FRA10AC1: variants seen among roughly 807,000 people sequenced by gnomAD.
FRA10AC1 encodes the protein protein FRA10AC1.
A neutral mutation model predicts 56.5 loss-of-function variants in FRA10AC1; 43 were observed. The observed-to-expected ratio is 0.76, with a 90% confidence interval of 0.60 to 0.98. FRA10AC1 has a LOEUF of 0.98. FRA10AC1 is among the 50% of genes least tolerant of loss of function. FRA10AC1 has a pLI of 0.00. For missense variants in FRA10AC1, 346 were observed against 351.8 expected, an observed-to-expected ratio of 0.98 and a Z score of 0.13; for synonymous variants, 112 against 110.5, an observed-to-expected ratio of 1.01 and a Z score of -0.09.
chr10:93,680,916 G>A (rs1178879680), intron 11 of FRA10AC1, among the ~76,000 whole-genome samples: 2 of 152,168 alleles, frequency 1.3e-5, no homozygotes, highest in African/African-American at 4.8e-5. Flanking sequence ...AAGTATAGGT[G>A]CACAGCACCA....
At chr10:93,701,362 A>G (rs2059328542) in intron 1 of FRA10AC1, among the ~76,000 whole-genome samples, 2 of 152,226 alleles carry the variant, frequency 1.3e-5, no homozygotes, top group Admixed American at 1.3e-4. Context: ...AGAACTCTCT[A>G]AACTTCATTG....
At chr10:93,692,811 A>T in intron 5 of FRA10AC1, 82 bp from the exon 6 acceptor site, 1 of 732,628 alleles carries the variant, frequency 1.4e-6, no homozygotes, top group South Asian at 2.1e-5. Flanking sequence ...GTTTTGGAAA[A>T]TTTTATTAAA....
At chr10:93,692,189 T>A in intron 6 of FRA10AC1, 96 bp from the exon 7 acceptor site, 1 of 841,318 alleles carries the variant, frequency 1.2e-6, no homozygotes, top group Non-Finnish European at 1.7e-6. Context: ...ACATAAATAT[T>A]AATGTTTTAA....
chr10:93,673,478 T>C lies in FRA10AC1; in HGVS notation c.827-2630A>G, dbSNP rs542697845. 2.9e-4 allele frequency: 112 copies of C among 392,356 alleles called. 1 individual carries two copies. The highest frequency in any genetic ancestry group is 2.2e-3 in the South Asian group (110 of 50,782). The allele number at this position is 392,356 out of a possible 1,614,324, so 24.3% of individuals were successfully genotyped here. On this transcript the variant is annotated intron_variant, in intron 12 of 13. Transcript: ENST00000359204. ...TTAGAGTGTGGTGCCTAAAATTATA[T>C]ACAATTTTTCCTACATGTTTTGAAT...
chr10:93,701,802 T>A (rs193274768), intron 1 of FRA10AC1, among the ~76,000 whole-genome samples: 18 of 152,144 alleles, frequency 1.2e-4, no homozygotes, highest in Non-Finnish European at 2.2e-4. Flanking sequence ...ACAGCTGTAG[T>A]GTGTTTAGAG....
intron 13 of FRA10AC1, 127 bp downstream of exon 13, chr10:93,670,643 C>G (rs879820777): frequency 3.7e-6 from 2 of 544,430 alleles, no homozygotes; most frequent in Non-Finnish European, 6.4e-6. Flanking sequence ...CTAATCTTAC[C>G]AGGCTAGGCA....
Position 93,702,545 on chromosome 10 carries a change from C to A in FRA10AC1, c.-171G>T, listed in dbSNP as rs1283849016. 2 of 232,778 alleles carry A rather than the reference C, an allele frequency of 8.6e-6. No individual in the cohort carries two copies. Among genetic ancestry groups the A allele is most frequent in the Middle Eastern group, 1.7e-3 (1 of 576 alleles). 14.4% of individuals were successfully genotyped at this position (232,778 alleles called of 1,614,324 possible). On this transcript the variant is annotated 5_prime_UTR_variant, in exon 1 of 14. Coordinates refer to ENST00000359204, the MANE Select transcript of FRA10AC1 (RefSeq NM_145246.5). ...CCACCGCCGCCGCCGCCGCCGCCGC[C>A]GCCCGCAACCCGCCTCTCCCTACGG... is the stretch of plus-strand genomic sequence containing the variant.
At chr10:93,701,296 A>G (rs1370081850) in intron 1 of FRA10AC1, among the ~76,000 whole-genome samples, 2 of 152,190 alleles carry the variant, frequency 1.3e-5, no homozygotes, top group Admixed American at 6.5e-5. Flanking sequence ...GTTAAATGAT[A>G]TATCAAATTG....
At chr10:93,694,700 T>G in intron 5 of FRA10AC1, among the ~76,000 whole-genome samples, 161 bp downstream of exon 5, 1 of 108,564 alleles carries the variant, frequency 9.2e-6, no homozygotes, top group African/African-American at 3.6e-5. Flanking sequence ...GGCGACAGAG[T>G]GAGACTCCAT....
At chr10:93,698,995 A>T (rs947214187) in intron 2 of FRA10AC1, among the ~76,000 whole-genome samples, 1 of 152,192 alleles carries the variant, frequency 6.6e-6, no homozygotes, top group African/African-American at 2.4e-5. Context: ...AATGTGAACC[A>T]ACAGATTCAC....
intron 12 of FRA10AC1, among the ~76,000 whole-genome samples, chr10:93,676,311 A>C (rs1292834733): frequency 1.3e-5 from 2 of 152,190 alleles, no homozygotes; most frequent in Non-Finnish European, 2.9e-5. Flanking sequence ...GTTTTGATCC[A>C]AACTAGTGAA....
chr10:93,694,867 C>A lies in FRA10AC1; in HGVS notation c.290G>T (p.Arg97Leu). ...TAAACTTCCTGATACTTACCCCAAA[C>A]GCTTGAAGTCTTCTTTTTTGCCACC... ...YYGGKKEDFKRLGENDKTDLD... is the reference protein window; with the variant it reads ...YYGGKKEDFKLLGENDKTDLD... The change falls in exon 5 of 14, where the codon CGT (arginine) becomes CTT (leucine). Residue 97 changes from arginine to leucine, a missense_variant. Coordinates refer to ENST00000359204, the MANE Select transcript of FRA10AC1 (RefSeq NM_145246.5). The A allele has an allele frequency of 6.3e-7, 1 of 1,580,322 alleles. No homozygotes were observed. Among genetic ancestry groups the A allele is most frequent in the South Asian group, 1.1e-5 (1 of 90,180 alleles).
At chr10:93,698,274 A>C in intron 3 of FRA10AC1, 27 bp downstream of exon 3, 9 of 1,545,428 alleles carry the variant, frequency 5.8e-6, no homozygotes, top group Non-Finnish European at 7.1e-6. Flanking sequence ...TAAACCAAGA[A>C]ATAGAATTGA....
Position 93,685,165 on chromosome 10 carries a change from T to C in FRA10AC1, c.625+81A>G, listed in dbSNP as rs1030807252. ...CCAGAAAGATATGTTAAAAATTGCA[T>C]TTGAATTTTAAAGTCTATATATTTT... On this transcript the variant is annotated intron_variant, in intron 9 of 13. Coordinates refer to ENST00000359204, the MANE Select transcript of FRA10AC1 (RefSeq NM_145246.5). 8.4e-6 allele frequency: 6 copies of C among 710,826 alleles called. No homozygotes were observed. The African/African-American group carries it at 9.5e-5, about 11-fold the overall frequency. 44.0% of individuals were successfully genotyped at this position (710,826 alleles called of 1,614,324 possible).
intron 8 of FRA10AC1, among the ~76,000 whole-genome samples, chr10:93,685,910 G>A (rs1280206898): frequency 6.6e-6 from 1 of 151,760 alleles, no homozygotes; most frequent in Non-Finnish European, 1.5e-5. Flanking sequence ...TTGAGGTGAA[G>A]TACAATACGC....
rs1179716929 is a variant in FRA10AC1, at chr10:93,669,523, G to GA, written c.*302dup. 31 of 267,190 alleles carry GA rather than the reference G, an allele frequency of 1.2e-4. No homozygotes were observed. The highest frequency in any genetic ancestry group is 4.7e-4 in the South Asian group (3 of 6,330). 16.6% of individuals were successfully genotyped at this position (267,190 alleles called of 1,614,324 possible). ...AGAGAAGATACATAATGAAGGCAGTGAAAAAAAACCTACAAAATGTAGGAA... is the reference window on the plus strand; with the variant it reads ...AGAGAAGATACATAATGAAGGCAGTGAAAAAAAAACCTACAAAATGTAGGAA... On this transcript the variant is annotated 3_prime_UTR_variant, in exon 14 of 14. Coordinates refer to ENST00000359204, the MANE Select transcript of FRA10AC1 (RefSeq NM_145246.5).
chr10:93,692,765 C>T, intron 5 of FRA10AC1, 36 bp from the exon 6 acceptor site: 1 of 1,383,524 alleles, frequency 7.2e-7, no homozygotes, highest in Non-Finnish European at 9.9e-7. Flanking sequence ...AATACAAAAA[C>T]AAAAGTAGTC....
intron 5 of FRA10AC1, among the ~76,000 whole-genome samples, chr10:93,693,531 C>CATATATATATATATACACCATAT (rs2059169782): frequency 9.8e-5 from 3 of 30,746 alleles, no homozygotes; most frequent in African/African-American, 1.8e-4. Flanking sequence ...ATATATACAC[C>CATATATATATATATACACCATAT]ATATATATAT....
intron 7 of FRA10AC1, 57 bp downstream of exon 7, chr10:93,691,952 A>G (rs764264822): frequency 8.0e-6 from 12 of 1,500,144 alleles, no homozygotes; most frequent in East Asian, 2.4e-5. Flanking sequence ...CAGTATAATA[A>G]AAGTTAATAT....
Sources: gnomAD v4.1 joint callset for allele counts (sites outside exome capture counted in the v4.1 genomes callset) on GRCh38, gnomAD v4.1.1 for gene constraint, MANE v1.5 for transcripts, NCBI Gene and HGNC (gene_info 2026-07-23, HGNC 2026-07-21) for gene names.